Variants in PSMB7 observed in about 807,000 individuals in gnomAD.
PSMB7 encodes proteasome subunit beta type-7.
Under a neutral mutation model 28.1 loss-of-function variants are expected in PSMB7, and 5 were observed. The observed-to-expected ratio is 0.18, with a 90% confidence interval of 0.09 to 0.37. The LOEUF (loss-of-function observed/expected upper bound fraction) is 0.37, where lower values mean the gene tolerates loss of function less well. PSMB7 is among the 10% of genes least tolerant of loss of function. The pLI is 1.00. For synonymous variants in PSMB7, 122 were observed against 123.7 expected (o/e 0.99, Z 0.09); for missense variants, 275 against 346.2 (o/e 0.79, Z 1.63).
intron 3 of PSMB7, among the ~76,000 whole-genome samples, chr9:124,413,366 T>C (rs1340334124): frequency 2.0e-5 from 3 of 151,720 alleles, no homozygotes; most frequent in Middle Eastern, 3.4e-3. Context: ...AAAAAGACGC[T>C]TGAAGGGTAG....
At chr9:124,365,163 C>A (rs1830495231) in intron 6 of PSMB7, among the ~76,000 whole-genome samples, 1 of 152,238 alleles carries the variant, frequency 6.6e-6, no homozygotes, top group Non-Finnish European at 1.5e-5. Context: ...ACACACCGCA[C>A]ACGCTGTGCT....
At chr9:124,407,394 A>T (rs1157614822) in intron 4 of PSMB7, among the ~76,000 whole-genome samples, 1 of 152,166 alleles carries the variant, frequency 6.6e-6, no homozygotes, top group African/African-American at 2.4e-5. Context: ...GCCCCAGACA[A>T]GGGAAGAAAC....
intron 3 of PSMB7, 103 bp downstream of exon 3, chr9:124,413,805 A>C: frequency 1.3e-6 from 1 of 741,934 alleles, no homozygotes; most frequent in Non-Finnish European, 2.2e-6. Context: ...GAGACAGAAA[A>C]TACAGGTTGA....
chr9:124,389,793 C>G (rs1830765541), intron 5 of PSMB7, among the ~76,000 whole-genome samples: 1 of 152,234 alleles, frequency 6.6e-6, no homozygotes, highest in African/African-American at 2.4e-5. Flanking sequence ...CGGACTCACC[C>G]ACAGACCCTC....
intron 6 of PSMB7, among the ~76,000 whole-genome samples, chr9:124,372,281 T>C (rs962250870): frequency 2.6e-5 from 4 of 152,200 alleles, no homozygotes; most frequent in African/African-American, 9.7e-5. Context: ...GCTGATGACA[T>C]ACTGGTTATA....
At chr9:124,409,151 A>G (rs1210283616) in intron 4 of PSMB7, among the ~76,000 whole-genome samples, 1 of 152,198 alleles carries the variant, frequency 6.6e-6, no homozygotes, top group African/African-American at 2.4e-5. Flanking sequence ...TACCATGAAC[A>G]TGTACTAGCA....
chr9:124,402,410 C>T (rs1026611868), intron 5 of PSMB7, among the ~76,000 whole-genome samples: 8 of 152,160 alleles, frequency 5.3e-5, no homozygotes, highest in Admixed American at 5.2e-4. Flanking sequence ...ACCAATTTTC[C>T]CATTTTACAA....
chr9:124,393,914 G>A (rs1412892499), intron 5 of PSMB7, among the ~76,000 whole-genome samples: 1 of 152,180 alleles, frequency 6.6e-6, no homozygotes, highest in Non-Finnish European at 1.5e-5. Flanking sequence ...ACCCTAAAAT[G>A]CACCTATCTT....
At chr9:124,375,529 CCAGA>C in intron 6 of PSMB7, among the ~76,000 whole-genome samples, 1 of 152,130 alleles carries the variant, frequency 6.6e-6, no homozygotes, top group Non-Finnish European at 1.5e-5. Context: ...ATTTTTCCCC[CCAGA>C]CAAACGAGAT....
intron 5 of PSMB7, among the ~76,000 whole-genome samples, chr9:124,399,668 G>C (rs551634748): frequency 6.6e-6 from 1 of 152,330 alleles, no homozygotes; most frequent in African/African-American, 2.4e-5. Context: ...CTGCAGCCAA[G>C]AGCCGCAAGG....
intron 5 of PSMB7, among the ~76,000 whole-genome samples, chr9:124,396,312 G>A (rs1279007482): frequency 1.3e-5 from 1 of 75,836 alleles, no homozygotes; most frequent in East Asian, 3.4e-4. Flanking sequence ...TAAAAATACA[G>A]AAAAGGTTGT....
At chr9:124,400,379 ACAG>A (rs958631079) in intron 5 of PSMB7, among the ~76,000 whole-genome samples, 3 of 152,200 alleles carry the variant, frequency 2.0e-5, no homozygotes, top group African/African-American at 7.2e-5. Flanking sequence ...AGCTTTTTGG[ACAG>A]CAATTTGGCA....
chr9:124,368,814 G>T (rs995973468), intron 6 of PSMB7, among the ~76,000 whole-genome samples: 39 of 152,126 alleles, frequency 2.6e-4, no homozygotes, highest in Admixed American at 2.2e-3. Context: ...ATCCCTTCAA[G>T]TACCAACTTC....
chr9:124,401,127 C>T (rs1830899371), intron 5 of PSMB7, among the ~76,000 whole-genome samples: 1 of 151,996 alleles, frequency 6.6e-6, no homozygotes, highest in Non-Finnish European at 1.5e-5. Flanking sequence ...GAAAAAAATA[C>T]AAACAATTCT....
chr9:124,353,797 C>T (rs927844734), intron 7 of PSMB7, 88 bp from the exon 8 acceptor site: 30 of 973,020 alleles, frequency 3.1e-5, no homozygotes, highest in South Asian at 2.2e-4. Context: ...ATTCAGGCAA[C>T]GCAGTGAGCA....
intron 6 of PSMB7, among the ~76,000 whole-genome samples, chr9:124,367,396 T>TC (rs1002287299): frequency 7.2e-5 from 11 of 151,978 alleles, no homozygotes; most frequent in African/African-American, 2.2e-4. Flanking sequence ...TGATTCTATT[T>TC]CCCCCCACTG....
At chr9:124,370,580 A>C (rs1332339374) in intron 6 of PSMB7, among the ~76,000 whole-genome samples, 1 of 152,172 alleles carries the variant, frequency 6.6e-6, no homozygotes, top group Non-Finnish European at 1.5e-5. Flanking sequence ...TAGAAACAAA[A>C]CTTCTCTGCC....
intron 5 of PSMB7, among the ~76,000 whole-genome samples, chr9:124,402,523 G>A (rs57002218): frequency 0.016 from 2,378 of 152,246 alleles, 71 homozygotes; most frequent in African/African-American, 0.053. Context: ...AGGCTGTGGT[G>A]CCTGCTATTT....
intron 5 of PSMB7, among the ~76,000 whole-genome samples, chr9:124,388,664 A>G (rs1830751793): frequency 6.6e-6 from 1 of 152,138 alleles, no homozygotes; most frequent in African/African-American, 2.4e-5. Flanking sequence ...AAGACCTTCC[A>G]TGACCAGGTT....
Sources: allele counts gnomAD v4.1 joint callset (sites outside exome capture counted in the v4.1 genomes callset), GRCh38; gene constraint gnomAD v4.1.1; transcripts MANE v1.5; gene names NCBI Gene and HGNC (gene_info 2026-07-23, HGNC 2026-07-21).